The following DRC11 variants were observed in gnomAD, a reference collection of about 807,000 sequenced individuals.
DRC11 encodes the protein IQ and AAA domain-containing protein 1.
At chr2:236,466,133 T>C in the DRC11 span, among the ~76,000 whole-genome samples, 1 of 152,174 alleles carries the variant, frequency 6.6e-6, no homozygotes, top group Non-Finnish European at 1.5e-5. Flanking sequence ...TGGATTTATG[T>C]AGTTTTGTTC....
chr2:236,423,777 T>A, the DRC11 span, among the ~76,000 whole-genome samples: 5 of 151,950 alleles, frequency 3.3e-5, no homozygotes, highest in African/African-American at 4.8e-5. Context: ...CACTATTCAC[T>A]ATAGCAAAGA....
chr2:236,418,800 T>C, the DRC11 span, among the ~76,000 whole-genome samples: 1 of 152,228 alleles, frequency 6.6e-6, no homozygotes, highest in Non-Finnish European at 1.5e-5. Flanking sequence ...GTTTACTTGG[T>C]TTGTTAAGCA....
At chr2:236,465,027 A>G in the DRC11 span, among the ~76,000 whole-genome samples, 1 of 152,096 alleles carries the variant, frequency 6.6e-6, no homozygotes, top group Non-Finnish European at 1.5e-5. The surrounding 1 kb of genome is among the most constrained non-coding windows in gnomAD (Gnocchi z 6.2). Context: ...CCAGCCTCAG[A>G]TATTTCTTTA....
chr2:236,479,019 T>A, the DRC11 span, among the ~76,000 whole-genome samples: 3 of 152,144 alleles, frequency 2.0e-5, no homozygotes, highest in African/African-American at 7.2e-5. The surrounding 1 kb of genome is among the most constrained non-coding windows in gnomAD (Gnocchi z 4.1). Context: ...GAGGCGGGGT[T>A]TCAACATGTT....
At chr2:236,371,426 G>A in the DRC11 span, among the ~76,000 whole-genome samples, 1 of 152,242 alleles carries the variant, frequency 6.6e-6, no homozygotes, top group African/African-American at 2.4e-5. This position sits in a 1 kb window ranked among gnomAD's most constrained non-coding sequence, Gnocchi z 5.1. Context: ...GACTTATCTG[G>A]GTGCTGAGAG....
chr2:236,381,661 G>A, the DRC11 span, among the ~76,000 whole-genome samples: 1 of 152,214 alleles, frequency 6.6e-6, no homozygotes, highest in African/African-American at 2.4e-5. This position sits in a 1 kb window ranked among gnomAD's most constrained non-coding sequence, Gnocchi z 5.8. Flanking sequence ...AAGGGGCTTT[G>A]CACTCAGGTA....
chr2:236,490,815 G>GTA, the DRC11 span, among the ~76,000 whole-genome samples: 26 of 150,844 alleles, frequency 1.7e-4, no homozygotes, highest in Middle Eastern at 3.4e-3. The surrounding 1 kb of genome is among the most constrained non-coding windows in gnomAD (Gnocchi z 5.5). Flanking sequence ...GCGTGTGTGT[G>GTA]TATATATATA....
At chr2:236,470,470 C>T in the DRC11 span, among the ~76,000 whole-genome samples, 4 of 152,204 alleles carry the variant, frequency 2.6e-5, no homozygotes, top group South Asian at 4.1e-4. The surrounding 1 kb of genome is among the most constrained non-coding windows in gnomAD (Gnocchi z 5.1). Context: ...CTTAGAGGCG[C>T]GTGTTCGGTC....
the DRC11 span, chr2:236,503,582 G>T: frequency 6.7e-7 from 1 of 1,499,774 alleles, no homozygotes; most frequent in Non-Finnish European, 9.1e-7. This position sits in a 1 kb window ranked among gnomAD's most constrained non-coding sequence, Gnocchi z 4.9. Flanking sequence ...ATTCCCGGCT[G>T]ACAGGAAAAT....
chr2:236,371,708 A>G, the DRC11 span, among the ~76,000 whole-genome samples: 1 of 152,196 alleles, frequency 6.6e-6, no homozygotes, highest in African/African-American at 2.4e-5. The surrounding 1 kb of genome is among the most constrained non-coding windows in gnomAD (Gnocchi z 5.1). Context: ...CATTCTTAGC[A>G]GATTCTTCAG....
At chr2:236,488,122 G>C in the DRC11 span, 1 of 1,611,172 alleles carries the variant, frequency 6.2e-7, no homozygotes, top group Non-Finnish European at 8.5e-7. Flanking sequence ...AGGCGACCTT[G>C]CCGTGCCCTC....
At chr2:236,459,644 C>CAT in the DRC11 span, among the ~76,000 whole-genome samples, 2 of 137,454 alleles carry the variant, frequency 1.5e-5, no homozygotes, top group Non-Finnish European at 3.1e-5. Flanking sequence ...TACGTATATA[C>CAT]GTATATATGT....
the DRC11 span, among the ~76,000 whole-genome samples, chr2:236,485,680 C>T: frequency 2.0e-5 from 3 of 152,178 alleles, no homozygotes; most frequent in African/African-American, 7.2e-5. Flanking sequence ...AAGGGATTGT[C>T]ACATGAAAGG....
At chr2:236,452,030 T>A in the DRC11 span, among the ~76,000 whole-genome samples, 1 of 152,240 alleles carries the variant, frequency 6.6e-6, no homozygotes, top group African/African-American at 2.4e-5. This position sits in a 1 kb window ranked among gnomAD's most constrained non-coding sequence, Gnocchi z 4.7. Flanking sequence ...ATTTTTTACA[T>A]AATTTATTCC....
the DRC11 span, among the ~76,000 whole-genome samples, chr2:236,459,498 T>TGTATACGTATAC: frequency 4.9e-5 from 6 of 123,148 alleles, no homozygotes; most frequent in Admixed American, 8.2e-5. Context: ...TATACGTATA[T>TGTATACGTATAC]ATGTATACGT....
the DRC11 span, among the ~76,000 whole-genome samples, chr2:236,447,749 T>C: frequency 0.021 from 3,223 of 152,290 alleles, 109 homozygotes; most frequent in African/African-American, 0.073. This position sits in a 1 kb window ranked among gnomAD's most constrained non-coding sequence, Gnocchi z 4.6. Context: ...GTCCAGGTTA[T>C]ATTTTTCATG....
the DRC11 span, among the ~76,000 whole-genome samples, chr2:236,378,989 T>C: frequency 6.6e-6 from 1 of 152,134 alleles, no homozygotes; most frequent in Non-Finnish European, 1.5e-5. Context: ...GCCATTTCTC[T>C]AGAGAGCAGA....
the DRC11 span, chr2:236,369,099 C>T: frequency 6.6e-6 from 1 of 152,198 alleles, no homozygotes; most frequent in Admixed American, 6.5e-5. The surrounding 1 kb of genome is among the most constrained non-coding windows in gnomAD (Gnocchi z 4.5). Flanking sequence ...ATTCAATGAA[C>T]GAATCACCAT....
At chr2:236,345,572 CTGTT>C in the DRC11 span, among the ~76,000 whole-genome samples, 1 of 152,172 alleles carries the variant, frequency 6.6e-6, no homozygotes, top group Non-Finnish European at 1.5e-5. Context: ...TTGTTCATCT[CTGTT>C]TGGCTGTGCC....
Sources: gnomAD v4.1 joint callset for allele counts (sites outside exome capture counted in the v4.1 genomes callset) on GRCh38, gnomAD v4.1.1 for gene constraint, Gnocchi (gnomAD v3.1) non-coding constraint, MANE v1.5 for transcripts, NCBI Gene and HGNC (gene_info 2026-07-23, HGNC 2026-07-21) for gene names.